TNFRSF10A: variants seen among roughly 807,000 people sequenced by gnomAD.
The protein encoded by TNFRSF10A is TNF receptor superfamily member 10a.
In TNFRSF10A, 44 loss-of-function variants were observed where a neutral mutation model predicts 42.8. That is an observed-to-expected ratio of 1.03 (90% CI 0.81 to 1.32). TNFRSF10A has a LOEUF of 1.32. Among genes scored for constraint, TNFRSF10A ranks in the 40% most tolerant of loss-of-function variants. TNFRSF10A has a pLI of 0.00. For synonymous variants in TNFRSF10A, 259 were observed against 234.2 expected (o/e 1.11, Z -0.97); for missense variants, 680 against 602.0 (o/e 1.13, Z -1.36).
chr8:23,209,475 A>G (rs972122336), intron 2 of TNFRSF10A, among the ~76,000 whole-genome samples: 2 of 152,260 alleles, frequency 1.3e-5, no homozygotes, highest in Admixed American at 6.5e-5. Flanking sequence ...ACGTGAAACC[A>G]GCCAGGAGGG....
intron 2 of TNFRSF10A, among the ~76,000 whole-genome samples, chr8:23,205,891 T>C (rs1229248863): frequency 1.3e-5 from 2 of 152,134 alleles, no homozygotes; most frequent in East Asian, 3.9e-4. Flanking sequence ...TAATTTTTTG[T>C]ATTTTTAGTA....
chr8:23,220,340 A>G (rs575612055), intron 1 of TNFRSF10A, among the ~76,000 whole-genome samples: 3 of 152,174 alleles, frequency 2.0e-5, no homozygotes, highest in Non-Finnish European at 4.4e-5. Flanking sequence ...CCCAATCTCT[A>G]TGCCAGGTCC....
intron 1 of TNFRSF10A, among the ~76,000 whole-genome samples, chr8:23,217,544 A>T (rs1801201322): frequency 6.6e-6 from 1 of 152,050 alleles, no homozygotes; most frequent in Non-Finnish European, 1.5e-5. Context: ...TAAAAATAGT[A>T]CCTTAAAAAA....
intron 2 of TNFRSF10A, among the ~76,000 whole-genome samples, chr8:23,204,377 G>A (rs1800976603): frequency 6.6e-6 from 1 of 152,092 alleles, no homozygotes; most frequent in Non-Finnish European, 1.5e-5. Flanking sequence ...AAATTAGGAA[G>A]AAAACTGCAT....
intron 1 of TNFRSF10A, among the ~76,000 whole-genome samples, chr8:23,223,143 G>A (rs946454691): frequency 6.6e-6 from 1 of 152,170 alleles, no homozygotes; most frequent in African/African-American, 2.4e-5. Flanking sequence ...TCGGCTCACT[G>A]GAAGCTCCGC....
intron 1 of TNFRSF10A, among the ~76,000 whole-genome samples, chr8:23,223,769 G>C (rs1801289927): frequency 1.3e-5 from 2 of 152,224 alleles, no homozygotes; most frequent in African/African-American, 4.8e-5. Context: ...ACTTGAAAGA[G>C]AACTGAAGGC....
chr8:23,208,160 G>A (rs1464298987), intron 2 of TNFRSF10A, among the ~76,000 whole-genome samples: 1 of 152,162 alleles, frequency 6.6e-6, no homozygotes, highest in Non-Finnish European at 1.5e-5. Context: ...TGGAGATGAG[G>A]AACTTATTGG....
At chr8:23,207,208 C>A (rs1485398682) in intron 2 of TNFRSF10A, 1 of 597,846 alleles carries the variant, frequency 1.7e-6, no homozygotes, top group East Asian at 4.0e-5. Flanking sequence ...GATGTTAAAA[C>A]CAACAAGCAC....
In TNFRSF10A at chr8:23,208,664, G is replaced by A. The variant is rs887785992; in HGVS notation, c.403+3452C>T. ...GTAGAGACGGGGTTTCACCGTGTTCGCCAGGATGGTCTCAATCTCCTGACC... is the reference window on the plus strand; with the variant it reads ...GTAGAGACGGGGTTTCACCGTGTTCACCAGGATGGTCTCAATCTCCTGACC... On this transcript the variant is annotated intron_variant, in intron 2 of 9. Transcript: ENST00000221132. 5.3e-5 allele frequency among the ~76,000 whole-genome samples: 8 copies of A among 152,110 alleles called. 1 individual carries two copies. The South Asian group carries it at 8.3e-4, about 16-fold the overall frequency.
At chr8:23,193,140 C>T (rs566840843) in intron 9 of TNFRSF10A, among the ~76,000 whole-genome samples, 1 of 152,326 alleles carries the variant, frequency 6.6e-6, no homozygotes, top group East Asian at 1.9e-4. Context: ...CAATACTCAT[C>T]ATCTCAGTGA....
chr8:23,204,254 A>T (rs1800975226), intron 2 of TNFRSF10A, among the ~76,000 whole-genome samples: 1 of 152,176 alleles, frequency 6.6e-6, no homozygotes, highest in African/African-American at 2.4e-5. Context: ...TCAACTGTAA[A>T]GTATGAAATC....
chr8:23,196,149 G>C (rs1367458376), intron 9 of TNFRSF10A, among the ~76,000 whole-genome samples: 1 of 151,938 alleles, frequency 6.6e-6, no homozygotes, highest in Non-Finnish European at 1.5e-5. Flanking sequence ...CATTCATCTT[G>C]ATTGCTTCCT....
chr8:23,198,732 CATGT>C (rs1373351854), intron 8 of TNFRSF10A, among the ~76,000 whole-genome samples: 1 of 151,944 alleles, frequency 6.6e-6, no homozygotes, highest in Admixed American at 6.6e-5. Context: ...TGGGTACGTG[CATGT>C]GTGTGTGCAT....
rs1410876810 is a variant in TNFRSF10A at position 23,191,203 on chromosome 8, C to T, written c.*491G>A. The T allele has an allele frequency of 6.2e-6, 1 of 161,382 alleles. No homozygotes were observed. The highest frequency in any genetic ancestry group is 1.4e-5 in the Non-Finnish European group (1 of 73,818). 10.0% of individuals were successfully genotyped at this position (161,382 alleles called of 1,614,324 possible). On this transcript the variant is annotated 3_prime_UTR_variant, in exon 10 of 10. Coordinates refer to ENST00000221132, the MANE Select transcript of TNFRSF10A (RefSeq NM_003844.4). ...GTTCCTTAATCCATTCAAATTAACA[C>T]CTCCAATTGACCACCATGATAAGGA...
intron 2 of TNFRSF10A, among the ~76,000 whole-genome samples, chr8:23,202,992 T>G (rs369721847): frequency 1.3e-5 from 2 of 152,202 alleles, no homozygotes; most frequent in East Asian, 3.8e-4. Context: ...GAGAGCCATA[T>G]TAAAATAGTA....
chr8:23,220,521 A>T (rs1310347084), intron 1 of TNFRSF10A, among the ~76,000 whole-genome samples: 1 of 152,106 alleles, frequency 6.6e-6, no homozygotes, highest in Non-Finnish European at 1.5e-5. Context: ...CCTTCCTATA[A>T]ACTAGGCAGA....
chr8:23,205,065 T>A (rs972893779), intron 2 of TNFRSF10A, among the ~76,000 whole-genome samples: 2 of 151,646 alleles, frequency 1.3e-5, no homozygotes, highest in African/African-American at 4.8e-5. Flanking sequence ...AAGAAAATAA[T>A]ACAGATTAGA....
chr8:23,202,169 A>C lies in TNFRSF10A; in HGVS notation c.518-250T>G, dbSNP rs527569328. Among the ~76,000 whole-genome samples the C allele has an allele frequency of 4.6e-5, 7 of 152,330 alleles. No homozygotes were observed. The South Asian group carries it at 1.5e-3, about 32-fold the overall frequency. On this transcript the variant is annotated intron_variant, in intron 3 of 9. Coordinates refer to ENST00000221132, the MANE Select transcript of TNFRSF10A (RefSeq NM_003844.4). ...TACATCAGATTAGGGAAAAAGCACC[A>C]TTTAGATCGCATGGTCAGTAGCAAA...
intron 1 of TNFRSF10A, among the ~76,000 whole-genome samples, chr8:23,219,937 C>G (rs141702890): frequency 6.6e-6 from 1 of 152,224 alleles, no homozygotes; most frequent in Non-Finnish European, 1.5e-5. Flanking sequence ...TCTGGACAGA[C>G]TTGCCTGTGG....
Sources: allele counts gnomAD v4.1 joint callset (sites outside exome capture counted in the v4.1 genomes callset), GRCh38; gene constraint gnomAD v4.1.1; transcripts MANE v1.5; gene names NCBI Gene and HGNC (gene_info 2026-07-23, HGNC 2026-07-21).